DHRS9: variants seen among roughly 807,000 people sequenced by gnomAD.
The protein encoded by DHRS9 is dehydrogenase/reductase SDR family member 9.
DHRS9 carries 18 observed loss-of-function variants against 26.6 expected under a neutral mutation model. The ratio of observed to expected loss-of-function variants is 0.68; its 90% CI spans 0.47 to 1.00. The LOEUF (loss-of-function observed/expected upper bound fraction) is 1.00. Among genes scored for constraint, DHRS9 ranks in the 50% least tolerant of loss-of-function variants. The probability of loss-of-function intolerance (pLI) is 0.00; values close to 1 mark genes in which losing one functional copy is unlikely to be tolerated. For synonymous variants in DHRS9, 134 were observed against 141.1 expected, an observed-to-expected ratio of 0.95 and a Z score of 0.36; for missense variants, 425 against 378.7, an observed-to-expected ratio of 1.12 and a Z score of -1.01.
At chr2:169,089,996 G>A (rs1268947576) in intron 3 of DHRS9, among the ~76,000 whole-genome samples, 1 of 152,152 alleles carries the variant, frequency 6.6e-6, no homozygotes, top group East Asian at 1.9e-4. Context: ...TGTAATTAGA[G>A]ATTTACTCAC....
At chr2:169,077,339 A>G (rs893050224) in intron 1 of DHRS9, among the ~76,000 whole-genome samples, 2 of 152,222 alleles carry the variant, frequency 1.3e-5, no homozygotes, top group African/African-American at 4.8e-5. Context: ...TGAAATACAT[A>G]GTATTACAAA....
chr2:169,095,742 A>G lies in DHRS9; in HGVS notation c.935A>G (p.Glu312Gly). ...TTTTTATTGTTGAAACAGAAAGCAG[A>G]GCTGGCTAATCCCAAGGCAGTGTGA... is the stretch of plus-strand genomic sequence containing the variant. The part of the protein sequence containing the change: ...QDFLLLKQKA[E>G]LANPKAV Residue 312 changes from glutamate to glycine, a missense_variant, in exon 5 of 5, where the codon GAG becomes GGG. Glu to Gly is a moderately conservative substitution (Grantham distance 98). Transcript: ENST00000674881. 1 of 1,613,774 alleles carries G rather than the reference A, an allele frequency of 6.2e-7. No homozygotes were observed. Among genetic ancestry groups the G allele is most frequent in the Admixed American group, 1.7e-5 (1 of 59,952 alleles).
At chr2:169,075,623 G>C (rs149061746) in intron 1 of DHRS9, among the ~76,000 whole-genome samples, 25 of 151,906 alleles carry the variant, frequency 1.6e-4, no homozygotes, top group African/African-American at 6.0e-4. Context: ...TTTTGATCCA[G>C]GATCACATAT....
chr2:169,086,874 T>A (rs954079607), intron 3 of DHRS9, among the ~76,000 whole-genome samples: 1 of 152,238 alleles, frequency 6.6e-6, no homozygotes, highest in Non-Finnish European at 1.5e-5. Context: ...GTCTATATAC[T>A]GAGCTGCCTA....
chr2:169,089,425 A>G (rs1684451161), intron 3 of DHRS9, among the ~76,000 whole-genome samples: 1 of 152,214 alleles, frequency 6.6e-6, no homozygotes, highest in Admixed American at 6.5e-5. Flanking sequence ...TTCCCAGGAT[A>G]TGATGCAGAC....
At chr2:169,092,466 T>C (rs1175400708) in intron 4 of DHRS9, among the ~76,000 whole-genome samples, 1 of 152,220 alleles carries the variant, frequency 6.6e-6, no homozygotes, top group Non-Finnish European at 1.5e-5. Flanking sequence ...AGCGAGAATG[T>C]AAAACAATGA....
At chr2:169,071,403 T>C (rs899629209) in intron 1 of DHRS9, among the ~76,000 whole-genome samples, 1 of 152,228 alleles carries the variant, frequency 6.6e-6, no homozygotes, top group Non-Finnish European at 1.5e-5. Context: ...TGGTGAATTA[T>C]AATTTAAACG....
chr2:169,072,678 T>G, intron 1 of DHRS9: 4 of 984,558 alleles, frequency 4.1e-6, no homozygotes, highest in Non-Finnish European at 4.8e-6. Flanking sequence ...TATAAAGCAT[T>G]GTGCATGGTG....
intron 1 of DHRS9, among the ~76,000 whole-genome samples, chr2:169,077,808 C>G (rs1273786112): frequency 1.3e-5 from 2 of 152,206 alleles, no homozygotes; most frequent in Non-Finnish European, 2.9e-5. Context: ...AACATACCCT[C>G]CTTGTGGCTT....
intron 3 of DHRS9, among the ~76,000 whole-genome samples, chr2:169,087,661 G>T (rs1229264634): frequency 3.3e-5 from 5 of 150,014 alleles, no homozygotes; most frequent in African/African-American, 9.8e-5. Context: ...CTTGGGTATT[G>T]CTCCTGATTT....
intron 2 of DHRS9, 28 bp downstream of exon 2, chr2:169,081,922 G>C (rs1344616902): frequency 6.4e-7 from 1 of 1,570,376 alleles, no homozygotes; most frequent in Admixed American, 1.9e-5. Context: ...GGGTAGGATG[G>C]GACAGGGATA....
intron 3 of DHRS9, among the ~76,000 whole-genome samples, chr2:169,085,959 G>T (rs927684231): frequency 6.6e-6 from 1 of 152,116 alleles, no homozygotes; most frequent in Non-Finnish European, 1.5e-5. Context: ...ATTAATAAAT[G>T]CCTTGTGGTA....
intron 1 of DHRS9, among the ~76,000 whole-genome samples, chr2:169,079,976 AGAG>A (rs1684118087): frequency 8.6e-6 from 1 of 116,432 alleles, no homozygotes; most frequent in Admixed American, 9.5e-5. Flanking sequence ...AGAGAGAGAG[AGAG>A]AGAGAGAAAG....
chr2:169,069,545 A>T (rs1683739243), upstream of DHRS9: 1 of 985,258 alleles, frequency 1.0e-6, no homozygotes, highest in African/African-American at 1.7e-5. Flanking sequence ...GAACCTGAGG[A>T]TTCCTCACAC....
At chr2:169,077,728 A>C (rs1211231407) in intron 1 of DHRS9, among the ~76,000 whole-genome samples, 1 of 152,120 alleles carries the variant, frequency 6.6e-6, no homozygotes, top group Non-Finnish European at 1.5e-5. Flanking sequence ...AGATGCCCAA[A>C]TCATCCATCC....
rs1278846086 is a variant in DHRS9, at chr2:169,081,652, T to C, written c.71T>C (p.Ile24Thr). ...TGGACTCGTAAAGGAAAACTAAAGA[T>C]TGAAGACATCACTGATAAGTACATT... is the stretch of plus-strand genomic sequence containing the variant. ...FLWTRKGKLK[I>T]EDITDKYIFI... The change falls in exon 2 of 5, where the codon ATT becomes ACT. Residue 24 changes from isoleucine to threonine, a missense_variant. Physicochemically the swap from Ile to Thr is moderately conservative, Grantham distance 89. Coordinates refer to ENST00000674881, the MANE Select transcript of DHRS9 (RefSeq NM_001376924.1). The C allele has an allele frequency of 1.5e-5, 25 of 1,614,064 alleles. No homozygotes were observed. Among genetic ancestry groups the C allele is most frequent in the African/African-American group, 4.0e-5 (3 of 74,936 alleles).
chr2:169,076,693 T>C (rs1283404093), intron 1 of DHRS9, among the ~76,000 whole-genome samples: 1 of 152,172 alleles, frequency 6.6e-6, no homozygotes, highest in South Asian at 2.1e-4. Flanking sequence ...CAGTTGACCC[T>C]TAAACAACAC....
chr2:169,077,983 A>G (rs1438566211), intron 1 of DHRS9, among the ~76,000 whole-genome samples: 1 of 152,210 alleles, frequency 6.6e-6, no homozygotes, highest in Non-Finnish European at 1.5e-5. Context: ...CTCAGCAATC[A>G]TGGACAAGAT....
intron 1 of DHRS9, among the ~76,000 whole-genome samples, chr2:169,074,903 G>A (rs149889268): frequency 1.3e-5 from 2 of 152,278 alleles, no homozygotes; most frequent in African/African-American, 2.4e-5. Flanking sequence ...ACATTTTAAT[G>A]TGAGTCCATT....
Sources: gnomAD v4.1 joint callset for allele counts (sites outside exome capture counted in the v4.1 genomes callset) on GRCh38, gnomAD v4.1.1 for gene constraint, MANE v1.5 for transcripts, NCBI Gene and HGNC (gene_info 2026-07-23, HGNC 2026-07-21) for gene names.